Variants in ADTRP observed in about 807,000 individuals in gnomAD.
ADTRP encodes androgen-dependent TFPI-regulating protein.
A neutral mutation model predicts 27.0 loss-of-function variants in ADTRP; 20 were observed. The ratio of observed to expected loss-of-function variants is 0.74; its 90% CI spans 0.52 to 1.08. The LOEUF is 1.08. Among genes scored for constraint, ADTRP ranks in the 50% least tolerant of loss-of-function variants. ADTRP has a pLI of 0.00. For missense variants in ADTRP, 251 were observed against 275.0 expected (o/e 0.91, Z 0.62); for synonymous variants, 101 against 105.2 (o/e 0.96, Z 0.25).
chr6:11,756,198 G>A (rs1210921056), intron 3 of ADTRP, among the ~76,000 whole-genome samples: 1 of 152,070 alleles, frequency 6.6e-6, no homozygotes, highest in Non-Finnish European at 1.5e-5. Context: ...CCCATCTCTA[G>A]CAAACACAAA....
In ADTRP at chr6:11,720,780, C is replaced by A. The variant is rs890402817; in HGVS notation, c.658+2569G>T. 1.3e-5 allele frequency among the ~76,000 whole-genome samples: 2 copies of A among 152,152 alleles called. 1 individual carries two copies. Among genetic ancestry groups the A allele is most frequent in the Non-Finnish European group, 2.9e-5 (2 of 68,028 alleles). ...CCTAACATGCATGTCTTCAACAACT[C>A]TCTAACTGGTACGCCTTGTCATCAC... On this transcript the variant is annotated intron_variant, in intron 5 of 5. Coordinates refer to ENST00000414691, the MANE Select transcript of ADTRP (RefSeq NM_032744.4).
intron 4 of ADTRP, among the ~76,000 whole-genome samples, chr6:11,728,060 A>G (rs1762273670): frequency 6.6e-6 from 1 of 152,058 alleles, no homozygotes; most frequent in Admixed American, 6.6e-5. Context: ...CCTCCATTCA[A>G]TCTTGCCCCC....
chr6:11,723,622 C>A, intron 4 of ADTRP, 122 bp from the exon 5 acceptor site: 2 of 1,141,558 alleles, frequency 1.8e-6, no homozygotes, highest in South Asian at 3.0e-5. Context: ...GGACGTTTGT[C>A]AACAGCTGTA....
chr6:11,724,016 C>T (rs1265661722), intron 4 of ADTRP, among the ~76,000 whole-genome samples: 3 of 152,090 alleles, frequency 2.0e-5, no homozygotes, highest in East Asian at 1.9e-4. Flanking sequence ...TCCAAGATCA[C>T]GCCACTGCAC....
Position 11,714,362 on chromosome 6 carries a change from G to C in ADTRP, c.*116C>G. 8.6e-7 allele frequency: 1 copy of C among 1,169,154 alleles called. No individual in the cohort carries two copies. Among genetic ancestry groups the C allele is most frequent in the South Asian group, 1.4e-5 (1 of 72,920 alleles). The allele number at this position is 1,169,154 out of a possible 1,614,324, so 72.4% of individuals were successfully genotyped here. A position where few individuals can be genotyped will look rare whatever the true frequency, so the allele number is the denominator to read the frequency against. The stretch of plus-strand genomic sequence containing the variant: ...TTATTAAATTTAAGTATCACTCTCT[G>C]TCCCTCCTACTTTGCTATGTTCCTC... On this transcript the variant is annotated 3_prime_UTR_variant, in exon 6 of 6. Coordinates refer to ENST00000414691, the MANE Select transcript of ADTRP (RefSeq NM_032744.4).
Position 11,728,714 on chromosome 6 carries a change from C to T in ADTRP, c.507-5214G>A, listed in dbSNP as rs111814441. Among the ~76,000 whole-genome samples the T allele has an allele frequency of 6.0e-3, 912 of 152,274 alleles. 7 individuals are homozygous for T. Among genetic ancestry groups the T allele is most frequent in the Non-Finnish European group, 9.3e-3 (630 of 68,032 alleles). On this transcript the variant is annotated intron_variant, in intron 4 of 5. Transcript: ENST00000414691. ...GGGCAGGGACTGTCTCTGTCAGGCA[C>T]ATTTATTTGCCAAGTGCCCAAAATG...
intron 3 of ADTRP, among the ~76,000 whole-genome samples, chr6:11,766,063 T>G (rs1763560718): frequency 1.3e-5 from 2 of 152,230 alleles, no homozygotes; most frequent in South Asian, 4.1e-4. Flanking sequence ...GACTCTCACC[T>G]GGACATCTCC....
At chr6:11,758,575 T>TCGG (rs67836687) in intron 3 of ADTRP, among the ~76,000 whole-genome samples, 1 of 29,452 alleles carries the variant, frequency 3.4e-5, no homozygotes, top group Non-Finnish European at 7.1e-5. Context: ...TGTTGTGGGG[T>TCGG]GGGGGGGGGG....
chr6:11,770,114 C>T (rs1301692893), intron 1 of ADTRP: 4 of 1,547,478 alleles, frequency 2.6e-6, no homozygotes, highest in Non-Finnish European at 1.7e-6. Flanking sequence ...AAAAAATTAT[C>T]AGGTTTCTGA....
At chr6:11,778,478 T>C in intron 1 of ADTRP, 129 bp downstream of exon 1, 1 of 1,322,848 alleles carries the variant, frequency 7.6e-7, no homozygotes, top group Non-Finnish European at 1.0e-6. Flanking sequence ...AACCCAAAAC[T>C]CACAAAACGG....
chr6:11,733,294 C>T (rs1251589376), intron 4 of ADTRP, among the ~76,000 whole-genome samples: 2 of 152,240 alleles, frequency 1.3e-5, no homozygotes, highest in African/African-American at 4.8e-5. Context: ...ACATAAACCA[C>T]ATCATTTCAT....
chr6:11,750,668 G>A (rs568758980), intron 3 of ADTRP, among the ~76,000 whole-genome samples: 12 of 152,260 alleles, frequency 7.9e-5, no homozygotes, highest in Non-Finnish European at 1.3e-4. Context: ...TCACAATTTA[G>A]CATTATTACA....
At chr6:11,735,399 G>A (rs545626062) in intron 4 of ADTRP, among the ~76,000 whole-genome samples, 169 bp downstream of exon 4, 2 of 152,200 alleles carry the variant, frequency 1.3e-5, no homozygotes, top group Non-Finnish European at 2.9e-5. Context: ...AGGTTTCCAT[G>A]AGCATTAAAA....
chr6:11,774,872 A>T (rs925271703), intron 1 of ADTRP, among the ~76,000 whole-genome samples: 1 of 152,222 alleles, frequency 6.6e-6, no homozygotes, highest in African/African-American at 2.4e-5. Flanking sequence ...AGAGCAAGGG[A>T]CATAGCATTT....
rs115507392 is a variant in ADTRP at position 11,756,210 on chromosome 6, A to T, written c.390+10064T>A. On this transcript the variant is annotated intron_variant, in intron 3 of 5. Coordinates refer to ENST00000414691, the MANE Select transcript of ADTRP (RefSeq NM_032744.4). ...AACCCCATCTCTAGCAAACACAAAA[A>T]ATTAGCCAGGCGTTGCATGTGCCCA... Among the ~76,000 whole-genome samples the T allele has an allele frequency of 5.4e-3, 819 of 152,224 alleles. 7 individuals carry two copies. The highest frequency in any genetic ancestry group is 0.019 in the African/African-American group (776 of 41,516).
chr6:11,732,606 AG>A (rs1762425140), intron 4 of ADTRP, among the ~76,000 whole-genome samples: 1 of 152,194 alleles, frequency 6.6e-6, no homozygotes, highest in Admixed American at 6.5e-5. Context: ...CCCTCCTTTA[AG>A]TGTCTATATT....
At chr6:11,773,024 G>A (rs1300344938) in intron 1 of ADTRP, among the ~76,000 whole-genome samples, 1 of 152,130 alleles carries the variant, frequency 6.6e-6, no homozygotes, top group Non-Finnish European at 1.5e-5. Flanking sequence ...GGTGGCTGTG[G>A]GATAAAACAC....
intron 1 of ADTRP, 111 bp from the exon 2 acceptor site, chr6:11,768,494 G>T (rs2113339601): frequency 1.4e-6 from 2 of 1,404,232 alleles, no homozygotes; most frequent in Non-Finnish European, 1.9e-6. Flanking sequence ...GAGGGAGAGG[G>T]CTGTTGGGTT....
At chr6:11,774,249 C>T (rs903990911) in intron 1 of ADTRP, among the ~76,000 whole-genome samples, 2 of 152,006 alleles carry the variant, frequency 1.3e-5, no homozygotes, top group African/African-American at 4.8e-5. Context: ...GCAGAGGTTG[C>T]AGTGAGCCAA....
Sources: allele counts gnomAD v4.1 joint callset (sites outside exome capture counted in the v4.1 genomes callset), GRCh38; gene constraint gnomAD v4.1.1; transcripts MANE v1.5; gene names NCBI Gene and HGNC (gene_info 2026-07-23, HGNC 2026-07-21).